Variants in FNTB observed in about 807,000 individuals in gnomAD.
FNTB encodes the protein protein farnesyltransferase subunit beta.
Under a neutral mutation model 59.4 loss-of-function variants are expected in FNTB, and 27 were observed. The observed-to-expected ratio is 0.45, with a 90% CI of 0.34 to 0.63. The LOEUF is 0.63. Among genes scored for constraint, FNTB ranks in the 20% least tolerant of loss-of-function variants. The pLI, the probability that FNTB is intolerant of heterozygous loss-of-function variation, is 0.02. For missense variants in FNTB, 449 were observed against 559.6 expected, an observed-to-expected ratio of 0.80 and a Z score of 1.99; for synonymous variants, 230 against 220.7, an observed-to-expected ratio of 1.04 and a Z score of -0.37.
At chr14:65,006,100 A>G in intron 2 of FNTB, 1 of 1,569,866 alleles carries the variant, frequency 6.4e-7, no homozygotes, top group South Asian at 1.2e-5. Flanking sequence ...GTCTCTAGGT[A>G]CTTCTGCTTA....
At chr14:65,046,918 A>G (rs186249169) in intron 9 of FNTB, among the ~76,000 whole-genome samples, 4 of 152,232 alleles carry the variant, frequency 2.6e-5, no homozygotes, top group Admixed American at 2.6e-4. Context: ...AAAGACAACA[A>G]AAGTTATTTT....
chr14:65,018,981 A>T (rs1051014023), intron 4 of FNTB, among the ~76,000 whole-genome samples: 1 of 151,940 alleles, frequency 6.6e-6, no homozygotes, highest in Non-Finnish European at 1.5e-5. Flanking sequence ...GTGGTGGCGC[A>T]TGCCTGTAAT....
At position 65,037,883 on chromosome 14, in the gene FNTB, G is replaced by A. The variant is rs191989379; in HGVS notation, c.693-2907G>A. Among the ~76,000 whole-genome samples, 1,162 of 151,170 alleles carry A rather than the reference G, an allele frequency of 7.7e-3. 28 individuals carry two copies. Among genetic ancestry groups the A allele is most frequent in the East Asian group, 0.058 (292 of 5,006 alleles). ...CAACCTCTTTCTCCCAGGTTCAAGC[G>A]ATTCTCCTGCCTCAGCCTCCCAAGT... On this transcript the variant is annotated intron_variant, in intron 7 of 11. Transcript: ENST00000246166.
At chr14:64,989,061 T>C (rs1244789795) in intron 1 of FNTB, among the ~76,000 whole-genome samples, 2 of 151,984 alleles carry the variant, frequency 1.3e-5, no homozygotes, top group South Asian at 4.2e-4. Context: ...GTAACAACCT[T>C]GTTAGGAGGA....
At chr14:65,016,764 C>T (rs58539554) in intron 4 of FNTB, among the ~76,000 whole-genome samples, 16,059 of 152,086 alleles carry the variant, frequency 0.11, 1,148 homozygotes, top group East Asian at 0.29. Context: ...GCCATTAACC[C>T]TTGTGGTACG....
chr14:65,041,040 C>T lies in FNTB; in HGVS notation c.822+121C>T. Reference sequence around the variant, plus strand: ...AAGGGCTAAGAGAGTTAGCTCTGTTCCAACACAGAGGAAGGAGTGAGCAGC... The same window carrying T: ...AAGGGCTAAGAGAGTTAGCTCTGTTTCAACACAGAGGAAGGAGTGAGCAGC... On this transcript the variant is annotated intron_variant, in intron 8 of 11. Coordinates refer to ENST00000246166, the MANE Select transcript of FNTB (RefSeq NM_002028.4). The T allele has an allele frequency of 6.2e-6, 9 of 1,455,262 alleles. 1 individual carries two copies. The South Asian group carries it at 1.1e-4, about 18-fold the overall frequency. 90.1% of individuals were successfully genotyped at this position (1,455,262 alleles called of 1,614,324 possible).
chr14:65,018,946 A>T (rs533847099), intron 4 of FNTB, among the ~76,000 whole-genome samples: 25 of 152,218 alleles, frequency 1.6e-4, no homozygotes, highest in Non-Finnish European at 2.8e-4. Flanking sequence ...CCCCGTCTCT[A>T]CTAAAAATAC....
intron 9 of FNTB, among the ~76,000 whole-genome samples, chr14:65,048,794 G>A (rs923938462): frequency 1.3e-5 from 2 of 152,182 alleles, no homozygotes; most frequent in Admixed American, 1.3e-4. Flanking sequence ...GGCAGAGGTT[G>A]CAGGCAGAGA....
Position 65,054,450 on chromosome 14 carries a change from C to A in FNTB, c.1068-125C>A. 1.0e-6 allele frequency: 1 copy of A among 975,392 alleles called. No homozygotes were observed. Among genetic ancestry groups the A allele is most frequent in the South Asian group, 1.6e-5 (1 of 63,888 alleles). The allele number at this position is 975,392 out of a possible 1,614,324, so 60.4% of individuals were successfully genotyped here. A position where few individuals can be genotyped will look rare whatever the true frequency, so the allele number is the denominator to read the frequency against. Reference sequence around the variant, plus strand: ...AACACTGCTGGGAAAACCATGCCTCCTCTAGCCACATGGAGGATGGGGGGG... The same window carrying A: ...AACACTGCTGGGAAAACCATGCCTCATCTAGCCACATGGAGGATGGGGGGG... On this transcript the variant is annotated intron_variant, in intron 10 of 11. Coordinates refer to ENST00000246166, the MANE Select transcript of FNTB (RefSeq NM_002028.4). The surrounding 1 kb of genome is among the most constrained non-coding windows in gnomAD (Gnocchi z 4.4).
At position 64,988,634 on chromosome 14, in the gene FNTB, T is replaced by C. The variant is rs1205268860; in HGVS notation, c.144+1537T>C. Among the ~76,000 whole-genome samples, 7 of 152,114 alleles carry C rather than the reference T, an allele frequency of 4.6e-5. No homozygotes were observed. The East Asian group carries it at 9.7e-4, about 21-fold the overall frequency. On this transcript the variant is annotated intron_variant, in intron 1 of 11. Transcript: ENST00000246166. ...ATTTTAGTAGAGACAGGTTTCACCA[T>C]GTGGCCAGGCTGGTTTTGAACTCCT...
At chr14:65,033,388 C>T (rs878922690) in intron 7 of FNTB, among the ~76,000 whole-genome samples, 16 of 152,112 alleles carry the variant, frequency 1.1e-4, no homozygotes, top group African/African-American at 3.1e-4. Context: ...TAGTGATTCC[C>T]GCTGAGGGGA....
chr14:65,032,802 A>C lies in FNTB; in HGVS notation c.692+106A>C. 9.6e-7 allele frequency: 1 copy of C among 1,036,426 alleles called. No individual in the cohort carries two copies. Among genetic ancestry groups the C allele is most frequent in the Non-Finnish European group, 1.4e-6 (1 of 734,182 alleles). 64.2% of individuals were successfully genotyped at this position (1,036,426 alleles called of 1,614,324 possible). A position where few individuals can be genotyped will look rare whatever the true frequency, so the allele number is the denominator to read the frequency against. Reference sequence around the variant, plus strand: ...GAGGGACTTGGAAGGAAATACAAAAATCACAGGAGATCCATTAGGGTTATC... The same window carrying C: ...GAGGGACTTGGAAGGAAATACAAAACTCACAGGAGATCCATTAGGGTTATC... On this transcript the variant is annotated intron_variant, in intron 7 of 11. Transcript: ENST00000246166. This position sits in a 1 kb window ranked among gnomAD's most constrained non-coding sequence, Gnocchi z 5.0.
chr14:65,057,907 G>T (rs996139415), intron 11 of FNTB, among the ~76,000 whole-genome samples: 3 of 152,060 alleles, frequency 2.0e-5, no homozygotes, highest in Non-Finnish European at 4.4e-5. Context: ...TTGTTCCTTT[G>T]GTCTGTTTGC....
chr14:65,006,404 T>C, intron 2 of FNTB: 1 of 1,452,112 alleles, frequency 6.9e-7, no homozygotes, highest in Non-Finnish European at 9.3e-7. Context: ...ATTCCTCTTG[T>C]CATGAGATAC....
At chr14:65,019,320 C>T (rs1037140544) in intron 4 of FNTB, among the ~76,000 whole-genome samples, 5 of 152,082 alleles carry the variant, frequency 3.3e-5, no homozygotes, top group Non-Finnish European at 7.4e-5. Context: ...AACCCTGTCT[C>T]TACTAAAAAT....
At chr14:64,988,351 C>T (rs1888036811) in intron 1 of FNTB, among the ~76,000 whole-genome samples, 1 of 151,706 alleles carries the variant, frequency 6.6e-6, no homozygotes, top group African/African-American at 2.4e-5. Context: ...GAAAAACCTA[C>T]AGGATCTTTG....
chr14:65,043,301 ATGG>A (rs1457429677), intron 8 of FNTB, among the ~76,000 whole-genome samples: 1 of 152,218 alleles, frequency 6.6e-6, no homozygotes, highest in Admixed American at 6.5e-5. Flanking sequence ...TAAGCAAGGA[ATGG>A]TGGTATCGTG....
chr14:65,024,224 T>G (rs1373638161), intron 4 of FNTB, among the ~76,000 whole-genome samples: 1 of 152,228 alleles, frequency 6.6e-6, no homozygotes, highest in Non-Finnish European at 1.5e-5. Context: ...GATACCTGGC[T>G]GAACATTGGA....
chr14:64,987,198 G>GA, intron 1 of FNTB, 101 bp downstream of exon 1: 1 of 1,371,300 alleles, frequency 7.3e-7, no homozygotes, highest in South Asian at 1.2e-5. Flanking sequence ...GGGGAACTAC[G>GA]ACTCCCACAG....
Sources: allele counts gnomAD v4.1 joint callset (sites outside exome capture counted in the v4.1 genomes callset), GRCh38; gene constraint gnomAD v4.1.1; non-coding constraint Gnocchi (gnomAD v3.1); transcripts MANE v1.5; gene names NCBI Gene and HGNC (gene_info 2026-07-23, HGNC 2026-07-21).